ZNF618: variants seen among roughly 807,000 people sequenced by gnomAD.
The protein encoded by ZNF618 is zinc finger protein 618, also known as neural precursor cell expressed, developmentally down-regulated 10.
ZNF618 carries 34 observed loss-of-function variants against 103.0 expected under a neutral mutation model. That is an observed-to-expected ratio of 0.33 (90% CI 0.25 to 0.44). The LOEUF (loss-of-function observed/expected upper bound fraction) is 0.44, where lower values mean the gene tolerates loss of function less well. Ranked by LOEUF, ZNF618 falls within the 20% of genes least tolerant of loss-of-function variation. The pLI, the probability that ZNF618 is intolerant of heterozygous loss-of-function variation, is 1.00. For synonymous variants in ZNF618, 551 were observed against 542.2 expected, an observed-to-expected ratio of 1.02 and a Z score of -0.23; for missense variants, 1,059 against 1,295.4, an observed-to-expected ratio of 0.82 and a Z score of 2.80.
chr9:114,033,373 G>A (rs920728405), intron 12 of ZNF618, among the ~76,000 whole-genome samples: 41 of 148,828 alleles, frequency 2.8e-4, no homozygotes, highest in African/African-American at 9.8e-4. Flanking sequence ...GTGACAGAGC[G>A]AGACTCTGTC....
intron 11 of ZNF618, among the ~76,000 whole-genome samples, chr9:114,029,448 T>G (rs1298626776): frequency 1.3e-5 from 2 of 152,136 alleles, no homozygotes; most frequent in Non-Finnish European, 2.9e-5. Flanking sequence ...GTGTGTGCTC[T>G]CCACTTTTCC....
intron 1 of ZNF618, among the ~76,000 whole-genome samples, chr9:113,902,136 A>G (rs1395658264): frequency 6.6e-6 from 1 of 152,074 alleles, no homozygotes; most frequent in Non-Finnish European, 1.5e-5. Context: ...CAGACACCGG[A>G]GTTCGCCAGC....
chr9:114,026,708 G>A (rs1843529400), intron 10 of ZNF618, among the ~76,000 whole-genome samples: 1 of 152,212 alleles, frequency 6.6e-6, no homozygotes, highest in Non-Finnish European at 1.5e-5. Flanking sequence ...AAGCCTTTGG[G>A]CCTTGGGTTT....
intron 1 of ZNF618, among the ~76,000 whole-genome samples, chr9:113,956,007 C>G (rs1318954834): frequency 1.3e-5 from 2 of 151,676 alleles, no homozygotes; most frequent in African/African-American, 2.4e-5. Flanking sequence ...GTCAGTAGTT[C>G]GAGACCAACC....
intron 1 of ZNF618, among the ~76,000 whole-genome samples, chr9:113,957,585 A>G (rs1284480724): frequency 6.6e-6 from 1 of 152,194 alleles, no homozygotes; most frequent in African/African-American, 2.4e-5. Context: ...CCGTCCAGAC[A>G]TGCCAGACAT....
At chr9:113,991,328 G>A (rs553310122) in intron 3 of ZNF618, among the ~76,000 whole-genome samples, 180 of 152,324 alleles carry the variant, frequency 1.2e-3, no homozygotes, top group African/African-American at 4.0e-3. Flanking sequence ...CATCCAAGGC[G>A]GCAGTGGAAG....
At chr9:113,884,039 G>A (rs1420724439) in intron 1 of ZNF618, among the ~76,000 whole-genome samples, 1 of 132,432 alleles carries the variant, frequency 7.6e-6, no homozygotes, top group Admixed American at 9.8e-5. Context: ...ACCTTGGGAA[G>A]AAACATCTGG....
intron 11 of ZNF618, among the ~76,000 whole-genome samples, chr9:114,030,260 G>A (rs1843889495): frequency 6.6e-6 from 1 of 152,220 alleles, no homozygotes; most frequent in Non-Finnish European, 1.5e-5. Flanking sequence ...AGTCAGCCTT[G>A]AAGGTTTGAA....
chr9:113,977,447 C>T (rs895315883), intron 2 of ZNF618, among the ~76,000 whole-genome samples: 3 of 152,236 alleles, frequency 2.0e-5, no homozygotes, highest in African/African-American at 7.2e-5. Flanking sequence ...GGGATGGCCT[C>T]GCTCTTTAGT....
At chr9:113,916,973 G>A (rs1332452842) in intron 1 of ZNF618, among the ~76,000 whole-genome samples, 2 of 152,142 alleles carry the variant, frequency 1.3e-5, no homozygotes, top group African/African-American at 2.4e-5. Context: ...AAGCCTTTGG[G>A]CGGCTAATCT....
Position 114,053,831 on chromosome 9 carries a change from A to G in ZNF618, c.*3664A>G, listed in dbSNP as rs749481783. The stretch of plus-strand genomic sequence containing the variant: ...ACCTGAGCAAAACTGCCTGCACTTC[A>G]TCTCTGGAGGTTCGCTGCACAGAGG... On this transcript the variant is annotated 3_prime_UTR_variant, in exon 15 of 15. Coordinates refer to ENST00000374126, the MANE Select transcript of ZNF618 (RefSeq NM_001318042.2). 1 of 152,230 alleles carries G rather than the reference A, an allele frequency of 6.6e-6. No individual in the cohort carries two copies. The highest frequency in any genetic ancestry group is 1.5e-5 in the Non-Finnish European group (1 of 68,068). 9.4% of individuals were successfully genotyped at this position (152,230 alleles called of 1,614,324 possible).
At chr9:113,904,267 G>T (rs1830794921) in intron 1 of ZNF618, among the ~76,000 whole-genome samples, 1 of 149,838 alleles carries the variant, frequency 6.7e-6, no homozygotes, top group South Asian at 2.1e-4. Context: ...TAGAAGTTTG[G>T]TTTGGGTCTT....
At chr9:114,008,848 C>G (rs567440278) in intron 9 of ZNF618, among the ~76,000 whole-genome samples, 1 of 152,322 alleles carries the variant, frequency 6.6e-6, no homozygotes, top group African/African-American at 2.4e-5. Flanking sequence ...GAACCTCAGC[C>G]TCCCCACCTG....
At chr9:114,013,039 C>T (rs1842386668) in intron 9 of ZNF618, among the ~76,000 whole-genome samples, 2 of 151,704 alleles carry the variant, frequency 1.3e-5, no homozygotes, top group South Asian at 4.1e-4. Context: ...AAGTAGGTTA[C>T]CTATACATGA....
chr9:114,007,497 A>G, intron 7 of ZNF618, 58 bp downstream of exon 7: 2 of 1,543,810 alleles, frequency 1.3e-6, no homozygotes, highest in Non-Finnish European at 8.8e-7. Context: ...CCTTGGAGAC[A>G]CCAGCCCCCA....
intron 3 of ZNF618, 28 bp downstream of exon 3, chr9:113,988,608 T>C (rs1296172523): frequency 1.3e-6 from 2 of 1,584,382 alleles, no homozygotes; most frequent in African/African-American, 1.3e-5. Flanking sequence ...GTGGTCAGGG[T>C]GGAGACCAGG....
At chr9:113,956,267 G>A (rs1836287570) in intron 1 of ZNF618, among the ~76,000 whole-genome samples, 2 of 146,720 alleles carry the variant, frequency 1.4e-5, no homozygotes, top group African/African-American at 5.0e-5. Context: ...ATTAGAGGGG[G>A]CAAGCATGCT....
At position 113,998,350 on chromosome 9, in the gene ZNF618, A is replaced by C; in HGVS notation, c.429A>C (p.Ala143=). 6.4e-7 allele frequency: 1 copy of C among 1,550,440 alleles called. No homozygotes were observed. The highest frequency in any genetic ancestry group is 8.7e-7 in the Non-Finnish European group (1 of 1,146,958). The part of the protein sequence containing the change: ...TWIFDQALRY[A]SGSYECGICG... ...TTTTTGACCAAGCATTGAGATATGC[A>C]TCTGGTACGTGATGGCCAAGGGGTA... Residue 143 remains alanine, a synonymous_variant, in exon 4 of 15, where the codon GCA becomes GCC. Transcript: ENST00000374126.
In ZNF618 at chr9:114,050,314, A is replaced by G. The variant is rs756765289; in HGVS notation, c.*147A>G. On this transcript the variant is annotated 3_prime_UTR_variant, in exon 15 of 15. Transcript: ENST00000374126. The stretch of plus-strand genomic sequence containing the variant: ...CCCTGGAAACTTAAGTGCTTTTTTT[A>G]TATGTGTGTGTGTGCGTGTATGTAC... 7.2e-5 allele frequency: 69 copies of G among 953,746 alleles called. No individual in the cohort carries two copies. The highest frequency in any genetic ancestry group is 6.7e-5 in the Non-Finnish European group (44 of 658,146). The allele number at this position is 953,746 out of a possible 1,614,324, so 59.1% of individuals were successfully genotyped here.
Sources: gnomAD v4.1 joint callset for allele counts (sites outside exome capture counted in the v4.1 genomes callset) on GRCh38, gnomAD v4.1.1 for gene constraint, MANE v1.5 for transcripts, NCBI Gene and HGNC (gene_info 2026-07-23, HGNC 2026-07-21) for gene names.